Variants in CD276 observed in about 807,000 individuals in gnomAD.
The protein encoded by CD276 is CD276 antigen.
A neutral mutation model predicts 50.0 loss-of-function variants in CD276; 34 were observed. That is an observed-to-expected ratio of 0.68 (90% CI 0.52 to 0.91). The LOEUF (loss-of-function observed/expected upper bound fraction) is 0.91, where lower values mean the gene tolerates loss of function less well. Among genes scored for constraint, CD276 ranks in the 40% least tolerant of loss-of-function variants. The pLI is 0.00. For missense variants in CD276, 634 were observed against 717.5 expected (o/e 0.88, Z 1.33); for synonymous variants, 275 against 313.0 (o/e 0.88, Z 1.28).
chr15:73,699,510 G>C, intron 1 of CD276, 76 bp from the exon 2 acceptor site: 1 of 1,526,688 alleles, frequency 6.6e-7, no homozygotes, highest in Non-Finnish European at 8.8e-7. Flanking sequence ...CCCCACTCTG[G>C]TCCAGGAGAG....
At chr15:73,688,624 G>T (rs983831961) in intron 1 of CD276, among the ~76,000 whole-genome samples, 1 of 152,188 alleles carries the variant, frequency 6.6e-6, no homozygotes, top group Non-Finnish European at 1.5e-5. Flanking sequence ...CACTTCTGCT[G>T]GTGGCTGATA....
intron 6 of CD276, among the ~76,000 whole-genome samples, chr15:73,706,363 C>T (rs1352426414): frequency 6.6e-6 from 1 of 152,244 alleles, no homozygotes; most frequent in Non-Finnish European, 1.5e-5. Flanking sequence ...CCCAAGGTCA[C>T]AGACTGGCAC....
Position 73,702,318 on chromosome 15 carries a change from T to C in CD276, c.143T>C (p.Leu48Pro), listed in dbSNP as rs1596012895. Residue 48 changes from leucine to proline, a missense_variant, in exon 3 of 10, where the codon CTG becomes CCG. By Grantham distance (98) the Leu-to-Pro change is moderately conservative (BLOSUM62 -3). Coordinates refer to ENST00000318443, the MANE Select transcript of CD276 (RefSeq NM_001024736.2). ...VVALVGTDAT[L>P]CCSFSPEPGF... is the part of the protein sequence containing the mutation. ...GCACTGGTGGGCACCGATGCCACCC[T>C]GTGCTGCTCCTTCTCCCCTGAGCCT... 1 of 1,613,418 alleles carries C rather than the reference T, an allele frequency of 6.2e-7. No homozygotes were observed. Among genetic ancestry groups the C allele is most frequent in the Non-Finnish European group, 8.5e-7 (1 of 1,179,988 alleles).
At chr15:73,690,211 T>G (rs368714382) in intron 1 of CD276, among the ~76,000 whole-genome samples, 1 of 152,234 alleles carries the variant, frequency 6.6e-6, no homozygotes. Flanking sequence ...GAACCCATTA[T>G]GTGCCAAGCC....
At chr15:73,703,228 G>A in intron 4 of CD276, 142 bp downstream of exon 4, 2 of 1,068,028 alleles carry the variant, frequency 1.9e-6, no homozygotes, top group Non-Finnish European at 2.7e-6. Flanking sequence ...TAACGGGGAG[G>A]TGGGGATGTT....
chr15:73,705,574 G>A (rs1468213880), intron 6 of CD276, among the ~76,000 whole-genome samples: 2 of 152,162 alleles, frequency 1.3e-5, no homozygotes, highest in East Asian at 1.9e-4. Context: ...GTGCTCTCCA[G>A]GAGAGAGTAG....
At chr15:73,699,228 T>G (rs1165204897) in intron 1 of CD276, among the ~76,000 whole-genome samples, 1 of 152,232 alleles carries the variant, frequency 6.6e-6, no homozygotes, top group Non-Finnish European at 1.5e-5. Context: ...GCTCCTGCTC[T>G]GCCCTACCAG....
At chr15:73,697,003 T>A (rs1900203767) in intron 1 of CD276, among the ~76,000 whole-genome samples, 1 of 151,994 alleles carries the variant, frequency 6.6e-6, no homozygotes, top group South Asian at 2.1e-4. Flanking sequence ...TGGTTCTGTC[T>A]GGGGTTAAAG....
At position 73,713,617 on chromosome 15, in the gene CD276, G is replaced by A; in HGVS notation, c.*661G>A. 2.9e-6 allele frequency: 1 copy of A among 344,330 alleles called. No homozygotes were observed. Among genetic ancestry groups the A allele is most frequent in the Non-Finnish European group, 5.3e-6 (1 of 187,264 alleles). 21.3% of individuals were successfully genotyped at this position (344,330 alleles called of 1,614,324 possible). A position where few individuals can be genotyped will look rare whatever the true frequency, so the allele number is the denominator to read the frequency against. Reference sequence around the variant, plus strand: ...ACAGGGCACTCTGCGCCCACCACATGCACAGCTGTGCATGGAGACCTGCAG... The same window carrying A: ...ACAGGGCACTCTGCGCCCACCACATACACAGCTGTGCATGGAGACCTGCAG... On this transcript the variant is annotated 3_prime_UTR_variant, in exon 10 of 10. Coordinates refer to ENST00000318443, the MANE Select transcript of CD276 (RefSeq NM_001024736.2).
At chr15:73,711,282 C>A in intron 9 of CD276, 112 bp downstream of exon 9, 1 of 1,147,250 alleles carries the variant, frequency 8.7e-7, no homozygotes, top group Non-Finnish European at 1.3e-6. Context: ...GCCCCCTCTG[C>A]AGAAGAGCAG....
intron 8 of CD276, 38 bp from the exon 9 acceptor site, chr15:73,711,097 G>A (rs1900880617): frequency 6.2e-7 from 1 of 1,612,752 alleles, no homozygotes. Flanking sequence ...ACTTCCCATG[G>A]TTCCTCCCTC....
rs1900973011 is a variant in CD276, at chr15:73,713,025, G to C, written c.*69G>C. On this transcript the variant is annotated 3_prime_UTR_variant, in exon 10 of 10. Transcript: ENST00000318443. The stretch of plus-strand genomic sequence containing the variant: ...CCTCTGGCTGCAATGGGGCTGCACT[G>C]TGAGCCCTGCCCCCAACAGATGCAT... 6.9e-7 allele frequency: 1 copy of C among 1,448,934 alleles called. No individual in the cohort carries two copies. Among genetic ancestry groups the C allele is most frequent in the Admixed American group, 1.8e-5 (1 of 55,804 alleles). 89.8% of individuals were successfully genotyped at this position (1,448,934 alleles called of 1,614,324 possible).
intron 4 of CD276, 71 bp from the exon 5 acceptor site, chr15:73,703,587 TG>T: frequency 2.5e-6 from 3 of 1,213,444 alleles, no homozygotes; most frequent in East Asian, 2.5e-5. Flanking sequence ...GGGAAGAGTT[TG>T]GGGGACTCGG....
intron 1 of CD276, among the ~76,000 whole-genome samples, chr15:73,691,266 CTA>C (rs1213768526): frequency 6.6e-6 from 1 of 151,830 alleles, no homozygotes; most frequent in East Asian, 1.9e-4. Context: ...CCTAGGCAGT[CTA>C]TGTGTGCAGC....
chr15:73,686,898 A>T (rs74026250), intron 1 of CD276, among the ~76,000 whole-genome samples: 18,139 of 152,006 alleles, frequency 0.12, 1,128 homozygotes, highest in South Asian at 0.15. Context: ...GAAAAATGGC[A>T]AGGAGGATGA....
At chr15:73,708,516 G>A in intron 7 of CD276, 43 bp downstream of exon 7, 1 of 1,579,292 alleles carries the variant, frequency 6.3e-7, no homozygotes, top group South Asian at 1.1e-5. Context: ...GCACACTTAT[G>A]TGTCTTGGGG....
At chr15:73,709,770 G>A (rs994017690) in intron 8 of CD276, 81 bp downstream of exon 8, 5 of 1,382,646 alleles carry the variant, frequency 3.6e-6, no homozygotes, top group Non-Finnish European at 5.0e-6. Context: ...GATCTGGAGG[G>A]GCCAGATTTG....
intron 9 of CD276, 58 bp from the exon 10 acceptor site, chr15:73,712,876 T>A: frequency 6.4e-7 from 1 of 1,570,042 alleles, no homozygotes; most frequent in South Asian, 1.1e-5. Context: ...CAAAAATAGA[T>A]CTTCTGGCAT....
At chr15:73,697,109 G>T (rs1900208000) in intron 1 of CD276, among the ~76,000 whole-genome samples, 1 of 152,204 alleles carries the variant, frequency 6.6e-6, no homozygotes, top group Admixed American at 6.5e-5. Flanking sequence ...CTGCCTGCTG[G>T]ATCTTCCTGT....
Sources: allele counts gnomAD v4.1 joint callset (sites outside exome capture counted in the v4.1 genomes callset), GRCh38; gene constraint gnomAD v4.1.1; transcripts MANE v1.5; gene names NCBI Gene and HGNC (gene_info 2026-07-23, HGNC 2026-07-21).